Variants in RSAD2 observed in about 807,000 individuals in gnomAD.
RSAD2 encodes the protein radical S-adenosyl methionine domain containing 2.
Under a neutral mutation model 37.7 loss-of-function variants are expected in RSAD2, and 38 were observed. The observed-to-expected ratio is 1.01, with a 90% CI of 0.78 to 1.32. The LOEUF (loss-of-function observed/expected upper bound fraction) is 1.32, where lower values mean the gene tolerates loss of function less well. Ranked by LOEUF, RSAD2 falls within the 40% of genes most tolerant of loss-of-function variation. The pLI is 0.00. For missense variants in RSAD2, 428 were observed against 437.5 expected (o/e 0.98, Z 0.19); for synonymous variants, 163 against 157.4 (o/e 1.04, Z -0.27).
In RSAD2 at chr2:6,877,903, C is replaced by A. The variant is rs1331957480; in HGVS notation, c.103C>A (p.Leu35Met). The change falls in exon 1 of 6, where the codon CTG (leucine) becomes ATG (methionine). Residue 35 changes from leucine to methionine, a missense_variant. Leu to Met is a conservative substitution (Grantham distance 15, BLOSUM62 2). Coordinates refer to ENST00000382040, the MANE Select transcript of RSAD2 (RefSeq NM_080657.5). ...WRSLVPLFCW[L>M]RATFWLLATK... ...GAGCCTGGTCCCGCTGTTCTGCTGG[C>A]TGAGGGCAACCTTCTGGCTGCTAGC... The A allele has an allele frequency of 6.2e-7, 1 of 1,614,152 alleles. No homozygotes were observed.
chr2:6,871,248 A>G (rs1663199576), intron 1 of RSAD2, among the ~76,000 whole-genome samples: 1 of 152,238 alleles, frequency 6.6e-6, no homozygotes, highest in South Asian at 2.1e-4. Context: ...TTCTTCCACT[A>G]GCTGCCTTGC....
At chr2:6,879,529 A>G (rs1663358991) in intron 1 of RSAD2, among the ~76,000 whole-genome samples, 1 of 152,148 alleles carries the variant, frequency 6.6e-6, no homozygotes, top group Non-Finnish European at 1.5e-5. Flanking sequence ...TCTGTCCTCA[A>G]ATCTTGTTGG....
chr2:6,877,925 T>G lies in RSAD2; in HGVS notation c.125T>G (p.Leu42Arg), dbSNP rs17851586. Residue 42 changes from leucine (L) to arginine (R), a missense_variant, in exon 1 of 6, where the codon CTA (leucine) becomes CGA (arginine). Transcript: ENST00000382040. ...TGGCTGAGGGCAACCTTCTGGCTGC[T>G]AGCTACCAAGAGGAGAAAGCAGCAG... The part of the protein sequence containing the change: ...FCWLRATFWL[L>R]ATKRRKQQLV... 5,106 of 1,614,018 alleles carry G rather than the reference T, an allele frequency of 3.2e-3. 88 individuals carry two copies. In the African/African-American group the frequency reaches 0.046, roughly 14 times the overall value.
rs1050660070 is a variant in RSAD2, at chr2:6,897,592, A to G, written c.*1650A>G. 2.6e-5 allele frequency: 4 copies of G among 152,216 alleles called. No homozygotes were observed. The highest frequency in any genetic ancestry group is 5.9e-5 in the Non-Finnish European group (4 of 68,046). The allele number at this position is 152,216 out of a possible 1,614,324, so 9.4% of individuals were successfully genotyped here. On this transcript the variant is annotated 3_prime_UTR_variant, in exon 6 of 6. Transcript: ENST00000382040. Reference sequence around the variant, plus strand: ...ACCTATTTACTTTTTTTGTAAGAAAAGAGAAAAATGAATTCTAAAGATGTT... The same window carrying G: ...ACCTATTTACTTTTTTTGTAAGAAAGGAGAAAAATGAATTCTAAAGATGTT...
Position 6,878,127 on chromosome 2 carries a change from G to C in RSAD2, c.327G>C (p.Leu109Phe). ...VLPLEEAKRG[L>F]LLLKEAGMEK... ...CCCTTGAGGAAGCAAAGAGAGGATT[G>C]CTTTTGCTTAAGGAAGCTGGTGAGT... is the stretch of plus-strand genomic sequence containing the variant. Residue 109 changes from leucine (L) to phenylalanine (F), a missense_variant, in exon 1 of 6, where the codon TTG (leucine) becomes TTC (phenylalanine). By Grantham distance (22) the Leu-to-Phe change is conservative. Transcript: ENST00000382040. 6.2e-7 allele frequency: 1 copy of C among 1,613,904 alleles called. No homozygotes were observed. Among genetic ancestry groups the C allele is most frequent in the South Asian group, 1.1e-5 (1 of 91,024 alleles).
upstream of RSAD2, among the ~76,000 whole-genome samples, chr2:6,875,159 G>A (rs958208890): frequency 4.6e-5 from 7 of 152,080 alleles, no homozygotes; most frequent in South Asian, 2.1e-4. Flanking sequence ...AAAAACTAAC[G>A]TGCACCTACT....
chr2:6,883,280 C>CT (rs1394803036), intron 1 of RSAD2, 91 bp from the exon 2 acceptor site: 142 of 1,408,924 alleles, frequency 1.0e-4, no homozygotes, highest in African/African-American at 4.1e-4. Flanking sequence ...AGTTTTATTT[C>CT]TTTTTTTTAC....
At chr2:6,879,995 A>G (rs1436663304) in intron 1 of RSAD2, among the ~76,000 whole-genome samples, 1 of 152,182 alleles carries the variant, frequency 6.6e-6, no homozygotes, top group Non-Finnish European at 1.5e-5. Flanking sequence ...ACCAATCTCA[A>G]AAGTTGGTAC....
intron 4 of RSAD2, 81 bp from the exon 5 acceptor site, chr2:6,893,576 AAAACAATACAATGC>A (rs1663673446): frequency 1.0e-6 from 1 of 1,003,962 alleles, no homozygotes; most frequent in Admixed American, 1.8e-5. Flanking sequence ...TGCTGGATCC[AAAACAATACAATGC>A]AAACACTACA....
chr2:6,873,292 AT>A (rs1416269386), upstream of RSAD2, among the ~76,000 whole-genome samples: 1 of 152,198 alleles, frequency 6.6e-6, no homozygotes, highest in Non-Finnish European at 1.5e-5. Context: ...AGAACCAAGG[AT>A]TTCCATGTTC....
intron 1 of RSAD2, among the ~76,000 whole-genome samples, chr2:6,871,629 G>A (rs540148665): frequency 6.6e-6 from 1 of 152,144 alleles, no homozygotes; most frequent in Admixed American, 6.5e-5. Context: ...CTAAACAAGG[G>A]GGTTTTACCC....
intron 1 of RSAD2, among the ~76,000 whole-genome samples, chr2:6,880,828 A>G (rs2103241209): frequency 6.6e-6 from 1 of 151,162 alleles, no homozygotes; most frequent in Admixed American, 6.6e-5. Flanking sequence ...ATATATTTTT[A>G]TATATTATAT....
intron 1 of RSAD2, among the ~76,000 whole-genome samples, chr2:6,881,082 A>C (rs768133666): frequency 6.6e-6 from 1 of 152,078 alleles, no homozygotes; most frequent in Non-Finnish European, 1.5e-5. Context: ...TTATTCTTCC[A>C]TCCCTTCTAA....
chr2:6,877,347 A>G (rs145224298), upstream of RSAD2: 23 of 166,366 alleles, frequency 1.4e-4, no homozygotes, highest in East Asian at 3.2e-3. Context: ...CAGTCTGTTT[A>G]TTATTTGGCT....
chr2:6,894,432 ATACT>A (rs35589088), intron 5 of RSAD2, among the ~76,000 whole-genome samples: 2,183 of 152,258 alleles, frequency 0.014, 60 homozygotes, highest in African/African-American at 0.05. Flanking sequence ...TTTTGGAGAA[ATACT>A]TACTGTCACT....
intron 1 of RSAD2, among the ~76,000 whole-genome samples, chr2:6,880,474 C>T (rs923272156): frequency 1.3e-5 from 2 of 152,180 alleles, no homozygotes; most frequent in African/African-American, 4.8e-5. Context: ...GGCATACCCA[C>T]CCTGAATCTG....
intron 1 of RSAD2, among the ~76,000 whole-genome samples, chr2:6,879,674 G>GTT (rs202112317): frequency 3.4e-5 from 5 of 145,868 alleles, no homozygotes; most frequent in African/African-American, 1.0e-4. Context: ...ATTTTGTTCA[G>GTT]TTTTTTTTTT....
chr2:6,881,438 T>G (rs1663397972), intron 1 of RSAD2, among the ~76,000 whole-genome samples: 2 of 152,260 alleles, frequency 1.3e-5, no homozygotes, highest in Non-Finnish European at 2.9e-5. Flanking sequence ...CTTTGGAGTC[T>G]AGGCATGTAC....
intron 3 of RSAD2, 129 bp from the exon 4 acceptor site, chr2:6,890,047 T>A (rs1663599181): frequency 2.5e-6 from 2 of 804,582 alleles, no homozygotes; most frequent in Non-Finnish European, 3.9e-6. Context: ...GTAATATCTT[T>A]CTAGAATGTT....
Sources: gnomAD v4.1 joint callset for allele counts (sites outside exome capture counted in the v4.1 genomes callset) on GRCh38, gnomAD v4.1.1 for gene constraint, MANE v1.5 for transcripts, NCBI Gene and HGNC (gene_info 2026-07-23, HGNC 2026-07-21) for gene names.